The following STX8 variants were observed in gnomAD, a reference collection of about 807,000 sequenced individuals.
The protein encoded by STX8 is syntaxin-8.
STX8 carries 23 observed loss-of-function variants against 37.5 expected under a neutral mutation model. The ratio of observed to expected loss-of-function variants is 0.61; its 90% CI spans 0.44 to 0.87. The LOEUF (loss-of-function observed/expected upper bound fraction) is 0.87. Among genes scored for constraint, STX8 ranks in the 40% least tolerant of loss-of-function variants. The pLI is 0.00. For missense variants in STX8, 313 were observed against 284.7 expected (o/e 1.10, Z -0.71); for synonymous variants, 115 against 99.1 (o/e 1.16, Z -0.95).
Position 9,574,012 on chromosome 17 carries a change from T to C in STX8, c.17+1780A>G, listed in dbSNP as rs557871729. On this transcript the variant is annotated intron_variant, in intron 1 of 7. Transcript: ENST00000306357. ...GAGGCCAGGTGCGGTGGCTCACACC[T>C]GTAATCCCAGCACTTTGGGAGGCCA... Among the ~76,000 whole-genome samples, 346 of 152,258 alleles carry C rather than the reference T, an allele frequency of 2.3e-3. 2 individuals carry two copies. The highest frequency in any genetic ancestry group is 7.8e-3 in the African/African-American group (326 of 41,556).
intron 7 of STX8, among the ~76,000 whole-genome samples, chr17:9,288,039 T>C (rs191194591): frequency 0.01 from 1,298 of 125,534 alleles, 20 homozygotes; most frequent in African/African-American, 0.037. Context: ...TGAGCCACCA[T>C]GCCTGGCCTA....
chr17:9,277,875 G>C (rs139808600), intron 7 of STX8, among the ~76,000 whole-genome samples: 1,984 of 152,222 alleles, frequency 0.013, 29 homozygotes, highest in Middle Eastern at 0.031. Context: ...TAAATTTGGT[G>C]AGAGTGTCAG....
chr17:9,341,082 A>G (rs901645437), intron 7 of STX8, among the ~76,000 whole-genome samples: 1 of 151,062 alleles, frequency 6.6e-6, no homozygotes, highest in Non-Finnish European at 1.5e-5. Context: ...TCTTTTCTCT[A>G]GTAGATACCA....
chr17:9,441,720 G>A (rs1172590125), intron 6 of STX8, among the ~76,000 whole-genome samples: 1 of 133,364 alleles, frequency 7.5e-6, no homozygotes, highest in Non-Finnish European at 1.5e-5. Flanking sequence ...TCTGTGCCAA[G>A]GCTGGAGTGC....
At chr17:9,316,275 C>T (rs115185137) in intron 7 of STX8, among the ~76,000 whole-genome samples, 1,594 of 152,106 alleles carry the variant, frequency 0.01, 20 homozygotes, top group African/African-American at 0.037. Context: ...TTTGGAATCT[C>T]TAAAGTGATA....
chr17:9,564,280 A>G (rs1273946872), intron 2 of STX8, among the ~76,000 whole-genome samples: 2 of 151,864 alleles, frequency 1.3e-5, no homozygotes, highest in African/African-American at 4.8e-5. Flanking sequence ...GAGAGGAGAA[A>G]AGAGGTGAGA....
intron 7 of STX8, among the ~76,000 whole-genome samples, chr17:9,258,774 G>C (rs1291434119): frequency 1.3e-5 from 2 of 152,180 alleles, no homozygotes; most frequent in East Asian, 3.8e-4. Context: ...TTCCTCTGTG[G>C]CTCCAGGGGG....
intron 2 of STX8, among the ~76,000 whole-genome samples, chr17:9,565,612 C>CAAA (rs61319674): frequency 1.9e-4 from 14 of 72,644 alleles, no homozygotes; most frequent in African/African-American, 5.9e-4. Flanking sequence ...AACACCGTCT[C>CAAA]AAAAAAAAAA....
intron 6 of STX8, among the ~76,000 whole-genome samples, chr17:9,457,958 A>G (rs2142413450): frequency 6.6e-6 from 1 of 152,366 alleles, no homozygotes; most frequent in East Asian, 1.9e-4. Flanking sequence ...AGAGTCAGCC[A>G]TCATATTCAC....
At chr17:9,405,403 C>T (rs1912767315) in intron 6 of STX8, among the ~76,000 whole-genome samples, 2 of 152,102 alleles carry the variant, frequency 1.3e-5, no homozygotes, top group Non-Finnish European at 2.9e-5. Context: ...AAGGCAGTCC[C>T]CTACTGGTAA....
intron 7 of STX8, among the ~76,000 whole-genome samples, chr17:9,284,951 T>C (rs970763805): frequency 1.3e-5 from 2 of 152,280 alleles, no homozygotes; most frequent in African/African-American, 4.8e-5. Context: ...TTGCTTTATT[T>C]CCTCTGATGG....
intron 7 of STX8, among the ~76,000 whole-genome samples, chr17:9,328,485 G>A (rs567237774): frequency 3.4e-4 from 51 of 152,224 alleles, no homozygotes; most frequent in African/African-American, 9.6e-4. Context: ...CCTTCTGAAC[G>A]TGGGAATCCT....
intron 7 of STX8, among the ~76,000 whole-genome samples, chr17:9,328,996 G>A (rs749880614): frequency 2.1e-5 from 3 of 140,196 alleles, no homozygotes; most frequent in Non-Finnish European, 3.0e-5. Context: ...GTTGCAGTGA[G>A]CTGAGATCGC....
chr17:9,441,868 G>A (rs1021904024), intron 6 of STX8, among the ~76,000 whole-genome samples: 1 of 151,618 alleles, frequency 6.6e-6, no homozygotes, highest in Admixed American at 6.6e-5. Flanking sequence ...GTAGAGACGG[G>A]GTTTCACCGT....
At chr17:9,311,908 C>T (rs550021326) in intron 7 of STX8, among the ~76,000 whole-genome samples, 115 of 151,908 alleles carry the variant, frequency 7.6e-4, no homozygotes, top group Middle Eastern at 3.4e-3. Context: ...AGTGCAGCAG[C>T]GTGATCTTGG....
At chr17:9,385,380 G>A (rs1314350332) in intron 6 of STX8, among the ~76,000 whole-genome samples, 1 of 152,080 alleles carries the variant, frequency 6.6e-6, no homozygotes, top group Non-Finnish European at 1.5e-5. Context: ...TAATAAATAA[G>A]CCACAGAATG....
intron 6 of STX8, among the ~76,000 whole-genome samples, chr17:9,383,552 T>G (rs776689137): frequency 3.3e-5 from 5 of 152,184 alleles, no homozygotes; most frequent in Non-Finnish European, 7.3e-5. Context: ...ACATTTTTTA[T>G]CTAAGATCAG....
Position 9,418,195 on chromosome 17 carries a change from C to T in STX8, c.542-39542G>A, listed in dbSNP as rs536236316. On this transcript the variant is annotated intron_variant, in intron 6 of 7. Transcript: ENST00000306357. ...TAATTAGAGCCAGAATTGAACCAGA[C>T]TGTAGCACAGCCAAGTGGTGGCAAG... is the stretch of plus-strand genomic sequence containing the variant. Among the ~76,000 whole-genome samples, 4 of 152,238 alleles carry T rather than the reference C, an allele frequency of 2.6e-5. No individual in the cohort carries two copies. In the East Asian group the frequency reaches 7.7e-4, roughly 29 times the overall value.
chr17:9,334,394 C>G (rs1910073994), intron 7 of STX8, among the ~76,000 whole-genome samples: 1 of 152,148 alleles, frequency 6.6e-6, no homozygotes, highest in South Asian at 2.1e-4. Context: ...GAGCTACTAT[C>G]ATCTTTGTTT....
Sources: allele counts gnomAD v4.1 joint callset (sites outside exome capture counted in the v4.1 genomes callset), GRCh38; gene constraint gnomAD v4.1.1; transcripts MANE v1.5; gene names NCBI Gene and HGNC (gene_info 2026-07-23, HGNC 2026-07-21).